RFC3: variants seen among roughly 807,000 people sequenced by gnomAD.
RFC3 encodes A1 38 kDa subunit.
Under a neutral mutation model 45.1 loss-of-function variants are expected in RFC3, and 41 were observed. That is an observed-to-expected ratio of 0.91 (90% CI 0.71 to 1.18). The LOEUF (loss-of-function observed/expected upper bound fraction) is 1.18. Among genes scored for constraint, RFC3 ranks in the 50% most tolerant of loss-of-function variants. The pLI, the probability that RFC3 is intolerant of heterozygous loss-of-function variation, is 0.00. For missense variants in RFC3, 423 were observed against 428.1 expected, an observed-to-expected ratio of 0.99 and a Z score of 0.10; for synonymous variants, 149 against 144.0, an observed-to-expected ratio of 1.03 and a Z score of -0.25.
intron 8 of RFC3, among the ~76,000 whole-genome samples, chr13:33,962,594 A>G (rs978973629): frequency 6.6e-6 from 1 of 152,252 alleles, no homozygotes; most frequent in African/African-American, 2.4e-5. Flanking sequence ...ACTGATGTGC[A>G]TTACAATATT....
chr13:33,891,108 C>T (rs1020697203), intron 8 of RFC3, among the ~76,000 whole-genome samples: 1 of 152,118 alleles, frequency 6.6e-6, no homozygotes, highest in East Asian at 1.9e-4. Context: ...TAACTGAAGA[C>T]TCCACCACGT....
chr13:33,879,297 T>C (rs2082467246), intron 8 of RFC3, among the ~76,000 whole-genome samples: 2 of 152,260 alleles, frequency 1.3e-5, no homozygotes, highest in African/African-American at 2.4e-5. Context: ...AATTTCCTTT[T>C]CTAATGTTCT....
rs200516496 is a variant in RFC3, at chr13:33,818,238, G to A, written c.60G>A (p.Lys20=). The change falls in exon 1 of 9, where the codon AAG becomes AAA. Residue 20 remains lysine, a synonymous_variant. Transcript: ENST00000380071. ...CCTTGGGACGGCTGGACTATCACAA[G>A]GAGCAGGCGGCCCAGCTGCGGAACC... ...PCSLGRLDYH[K]EQAAQLRNLV... is the part of the protein sequence containing the mutation. 2 of 1,613,630 alleles carry A rather than the reference G, an allele frequency of 1.2e-6. No homozygotes were observed. Among genetic ancestry groups the A allele is most frequent in the East Asian group, 2.2e-5 (1 of 44,882 alleles).
At chr13:33,855,899 G>C (rs577020195) in intron 8 of RFC3, among the ~76,000 whole-genome samples, 23 of 152,196 alleles carry the variant, frequency 1.5e-4, no homozygotes, top group African/African-American at 5.5e-4. Context: ...TTGCAAAAAC[G>C]TTCTACCATT....
intron 4 of RFC3, among the ~76,000 whole-genome samples, chr13:33,828,004 A>G (rs2082066514): frequency 6.6e-6 from 1 of 152,048 alleles, no homozygotes; most frequent in Non-Finnish European, 1.5e-5. Flanking sequence ...AGGAAGAAAA[A>G]AAAAAAATTA....
intron 8 of RFC3, among the ~76,000 whole-genome samples, chr13:33,958,018 T>C (rs2083032572): frequency 6.6e-6 from 1 of 152,140 alleles, no homozygotes; most frequent in South Asian, 2.1e-4. Context: ...TTTAAAAAAA[T>C]CATACTAACA....
intron 8 of RFC3, among the ~76,000 whole-genome samples, chr13:33,885,723 G>A (rs377357592): frequency 1.3e-5 from 2 of 152,122 alleles, no homozygotes; most frequent in South Asian, 4.1e-4. Context: ...AGTTTTAGAA[G>A]AAACAGACAA....
At chr13:33,828,287 C>T (rs111783596) in intron 4 of RFC3, among the ~76,000 whole-genome samples, 48 of 152,244 alleles carry the variant, frequency 3.2e-4, no homozygotes, top group African/African-American at 1.1e-3. Context: ...TCTGGGATTT[C>T]TTCTCATTGT....
At chr13:33,866,058 C>T (rs1311377908) in intron 8 of RFC3, among the ~76,000 whole-genome samples, 2 of 151,572 alleles carry the variant, frequency 1.3e-5, no homozygotes, top group Admixed American at 6.6e-5. Flanking sequence ...GACTCCATCT[C>T]AAAAAAAACA....
chr13:33,850,044 A>T (rs897201259), intron 8 of RFC3: 1 of 152,178 alleles, frequency 6.6e-6, no homozygotes, highest in African/African-American at 2.4e-5. Context: ...TCAATTATTA[A>T]TTGTCAATAT....
At chr13:33,952,070 A>G (rs185698915) in intron 8 of RFC3, among the ~76,000 whole-genome samples, 2 of 152,350 alleles carry the variant, frequency 1.3e-5, no homozygotes, top group African/African-American at 2.4e-5. Context: ...TTGAATGCCT[A>G]CTAATGTAAA....
intron 8 of RFC3, among the ~76,000 whole-genome samples, chr13:33,855,035 C>T (rs920452926): frequency 2.6e-5 from 4 of 152,064 alleles, no homozygotes; most frequent in Non-Finnish European, 5.9e-5. Flanking sequence ...AAACAATCGA[C>T]TAGCGACAAA....
chr13:33,895,264 A>C (rs2082590356), intron 8 of RFC3, among the ~76,000 whole-genome samples: 2 of 152,258 alleles, frequency 1.3e-5, no homozygotes, highest in African/African-American at 4.8e-5. Flanking sequence ...ACACAGGACT[A>C]ATATCCAAAA....
intron 8 of RFC3, among the ~76,000 whole-genome samples, chr13:33,953,687 A>T (rs2083004154): frequency 6.6e-6 from 1 of 152,174 alleles, no homozygotes; most frequent in African/African-American, 2.4e-5. Flanking sequence ...CTGAAATCTA[A>T]TTACAGAGAA....
chr13:33,970,680 T>C (rs186033664), downstream of RFC3, among the ~76,000 whole-genome samples: 220 of 152,356 alleles, frequency 1.4e-3, 1 homozygote, highest in African/African-American at 4.8e-3. Flanking sequence ...AATAAATTCT[T>C]ACTGTATGTA....
chr13:33,892,595 T>G (rs964554377), intron 8 of RFC3, among the ~76,000 whole-genome samples: 1 of 152,136 alleles, frequency 6.6e-6, no homozygotes, highest in African/African-American at 2.4e-5. Context: ...AATTCTCAAG[T>G]TAGTGTTTTT....
downstream of RFC3, among the ~76,000 whole-genome samples, chr13:33,839,978 T>C (rs1006645207): frequency 1.3e-5 from 2 of 152,200 alleles, no homozygotes; most frequent in African/African-American, 2.4e-5. Flanking sequence ...AAGAGAGATA[T>C]GTAGTCATCA....
At chr13:33,974,496 TGA>T in the RFC3 span, among the ~76,000 whole-genome samples, 1 of 152,218 alleles carries the variant, frequency 6.6e-6, no homozygotes, top group Non-Finnish European at 1.5e-5. Flanking sequence ...TGATGGTCCC[TGA>T]GTCTTTATTT....
intron 8 of RFC3, among the ~76,000 whole-genome samples, chr13:33,853,394 A>G (rs1467087507): frequency 1.3e-5 from 2 of 152,210 alleles, no homozygotes; most frequent in Non-Finnish European, 1.5e-5. Context: ...TTGAGACAGA[A>G]AATCAACTAA....
Sources: allele counts gnomAD v4.1 joint callset (sites outside exome capture counted in the v4.1 genomes callset), GRCh38; gene constraint gnomAD v4.1.1; transcripts MANE v1.5; gene names NCBI Gene and HGNC (gene_info 2026-07-23, HGNC 2026-07-21).